The following KLHL23 variants were observed in gnomAD, a reference collection of about 807,000 sequenced individuals.
The protein encoded by KLHL23 is kelch-like protein 23.
KLHL23 carries 33 observed loss-of-function variants against 48.9 expected under a neutral mutation model. The observed-to-expected ratio is 0.67, with a 90% CI of 0.51 to 0.90. The LOEUF is 0.90. Among genes scored for constraint, KLHL23 ranks in the 40% least tolerant of loss-of-function variants. The pLI, the probability that KLHL23 is intolerant of heterozygous loss-of-function variation, is 0.00. For synonymous variants in KLHL23, 234 were observed against 231.6 expected (o/e 1.01, Z -0.09); for missense variants, 608 against 669.6 (o/e 0.91, Z 1.02).
chr2:169,742,079 A>C (rs140097864), intron 3 of KLHL23, among the ~76,000 whole-genome samples: 1 of 152,224 alleles, frequency 6.6e-6, no homozygotes, highest in South Asian at 2.1e-4. Context: ...GGAATGGCCT[A>C]CCTTCTTGGA....
Position 169,749,697 on chromosome 2 carries a change from C to T in KLHL23, c.1642C>T (p.Arg548Trp), listed in dbSNP as rs746513289. 8 of 1,611,000 alleles carry T rather than the reference C, an allele frequency of 5.0e-6. No homozygotes were observed. The highest frequency in any genetic ancestry group is 4.2e-6 in the Non-Finnish European group (5 of 1,177,528). Reference protein sequence around the residue: ...EIVGNLPSAMRSHGCVCVYNV With the variant: ...EIVGNLPSAMWSHGCVCVYNV ...AGTGGGTAATCTTCCCAGTGCCATG[C>T]GGTCTCATGGGTGTGTTTGTGTGTA... The change falls in exon 4 of 4, where the codon CGG (arginine) becomes TGG (tryptophan). Residue 548 changes from arginine to tryptophan, a missense_variant. Physicochemically the swap from Arg to Trp is moderately radical, Grantham distance 101. Around this residue, in one of 3 missense-constraint regions of KLHL23, gnomAD observed 179 missense variants for 169.9 expected, o/e 1.05. Transcript: ENST00000392647.
chr2:169,735,140 TC>T lies in KLHL23; in HGVS notation c.128del (p.Pro43LeufsTer4), dbSNP rs1558944459. 3.1e-6 allele frequency: 5 copies of T among 1,613,294 alleles called. No homozygotes were observed. The highest frequency in any genetic ancestry group is 1.7e-5 in the Admixed American group (1 of 59,864). ...GLFTDITLQC[P>X]SGIIFHCHRA... Reference sequence around the variant, plus strand: ...TATTTACTGATATTACTCTTCAGTGTCCTTCAGGCATAATTTTCCATTGTCA... The same window carrying T: ...TATTTACTGATATTACTCTTCAGTGTCTTCAGGCATAATTTTCCATTGTCA... On this transcript the variant is annotated frameshift_variant, in exon 2 of 4. Transcript: ENST00000392647. LOFTEE classifies it high-confidence loss of function. This position sits in a 1 kb window ranked among gnomAD's most constrained non-coding sequence, Gnocchi z 4.5.
At chr2:169,743,873 T>C (rs1380541612) in intron 3 of KLHL23, among the ~76,000 whole-genome samples, 1 of 152,180 alleles carries the variant, frequency 6.6e-6, no homozygotes, top group Non-Finnish European at 1.5e-5. Context: ...TATAGCAAGG[T>C]TTGTTTCTTA....
intron 1 of KLHL23, among the ~76,000 whole-genome samples, chr2:169,734,345 C>A (rs1688458444): frequency 6.7e-6 from 1 of 148,164 alleles, no homozygotes. Flanking sequence ...GGGCGGCACG[C>A]GGCGCCCTCG....
Position 169,736,027 on chromosome 2 carries a change from C to G in KLHL23, c.1013C>G (p.Thr338Arg). The G allele has an allele frequency of 6.2e-7, 1 of 1,614,192 alleles. No homozygotes were observed. Among genetic ancestry groups the G allele is most frequent in the Admixed American group, 1.7e-5 (1 of 60,022 alleles). The stretch of plus-strand genomic sequence containing the variant: ...ACGGATAACATAGAAGCTCTTGACA[C>G]AGTGTGGATCTATAACAGTGAAAGT... ...YRTDNIEALD[T>R]VWIYNSESDE... Residue 338 changes from threonine (T) to arginine (R), a missense_variant, in exon 2 of 4, where the codon ACA (threonine) becomes AGA (arginine). By Grantham distance (71) the Thr-to-Arg change is moderately conservative (BLOSUM62 -1). This residue lies in a region of KLHL23 where 419 missense variants were observed against 473.1 expected (regional missense o/e 0.89). Transcript: ENST00000392647.
At chr2:169,739,129 G>T (rs1370585946) in intron 2 of KLHL23, among the ~76,000 whole-genome samples, 1 of 135,930 alleles carries the variant, frequency 7.4e-6, no homozygotes, top group Non-Finnish European at 1.5e-5. Flanking sequence ...AGTTTTTCCA[G>T]CTCAGGACCT....
rs1226689185 is a variant in KLHL23 at position 169,750,803 on chromosome 2, G to A, written c.*1071G>A. The A allele has an allele frequency of 1.3e-5, 2 of 152,152 alleles. No homozygotes were observed. Among genetic ancestry groups the A allele is most frequent in the South Asian group, 2.1e-4 (1 of 4,830 alleles). The allele number at this position is 152,152 out of a possible 1,614,324, so 9.4% of individuals were successfully genotyped here. On this transcript the variant is annotated 3_prime_UTR_variant, in exon 4 of 4. Coordinates refer to ENST00000392647, the MANE Select transcript of KLHL23 (RefSeq NM_144711.6). Reference sequence around the variant, plus strand: ...ACTGTTTTTAATTTTCAGCTTTGATGTAAATTGCTAGCTTAGTTGTCTTTA... The same window carrying A: ...ACTGTTTTTAATTTTCAGCTTTGATATAAATTGCTAGCTTAGTTGTCTTTA...
chr2:169,739,340 C>G (rs1688618876), intron 2 of KLHL23, among the ~76,000 whole-genome samples: 1 of 152,048 alleles, frequency 6.6e-6, no homozygotes, highest in South Asian at 2.1e-4. Context: ...TGTTTAAAAA[C>G]CTTTAAAATC....
chr2:169,735,514 A>G lies in KLHL23; in HGVS notation c.500A>G (p.Lys167Arg). The change falls in exon 2 of 4, where the codon AAG becomes AGG. Residue 167 changes from lysine (K) to arginine (R), a missense_variant. By Grantham distance (26) the Lys-to-Arg change is conservative. Around this residue, in one of 3 missense-constraint regions of KLHL23, gnomAD observed 419 missense variants for 473.1 expected, o/e 0.89. Transcript: ENST00000392647. This position sits in a 1 kb window ranked among gnomAD's most constrained non-coding sequence, Gnocchi z 4.5. The part of the protein sequence containing the change: ...ESRRILCSKF[K>R]EVWQQEEFLE... ...CGAAGAATTCTATGTTCAAAGTTTA[A>G]GGAAGTGTGGCAACAAGAAGAATTT... 1 of 1,613,992 alleles carries G rather than the reference A, an allele frequency of 6.2e-7. No homozygotes were observed. The highest frequency in any genetic ancestry group is 8.5e-7 in the Non-Finnish European group (1 of 1,180,010).
chr2:169,742,165 C>T (rs1216928475), intron 3 of KLHL23, among the ~76,000 whole-genome samples: 2 of 152,144 alleles, frequency 1.3e-5, no homozygotes, highest in African/African-American at 4.8e-5. Flanking sequence ...TTCAGTTATG[C>T]CATAGGTTTA....
Position 169,741,428 on chromosome 2 carries a change from C to T in KLHL23, c.1257C>T (p.Tyr419=), listed in dbSNP as rs1688673657. ...CCTGTGTCTTACATGATGTTATCTA[C>T]GTCATTGGTGGCCACTGTGGCTACA... ...ATACVLHDVI[Y]VIGGHCGYRG... is the part of the protein sequence containing the mutation. Residue 419 remains tyrosine (Y), a synonymous_variant, in exon 3 of 4, where the codon TAC becomes TAT. Transcript: ENST00000392647. 2.5e-6 allele frequency: 4 copies of T among 1,613,814 alleles called. No individual in the cohort carries two copies. The highest frequency in any genetic ancestry group is 2.2e-5 in the East Asian group (1 of 44,880).
chr2:169,747,337 C>A (rs961970140), intron 3 of KLHL23, among the ~76,000 whole-genome samples: 1 of 126,378 alleles, frequency 7.9e-6, no homozygotes, highest in Non-Finnish European at 1.6e-5. Flanking sequence ...TGCAGTGAGC[C>A]GAGATTGCGC....
At chr2:169,749,099 T>C (rs1021974937) in intron 3 of KLHL23, among the ~76,000 whole-genome samples, 6 of 152,170 alleles carry the variant, frequency 3.9e-5, no homozygotes, top group African/African-American at 7.2e-5. Context: ...CTTTTACAGA[T>C]AGGTGTCAAG....
chr2:169,744,957 A>T (rs1225692706), intron 3 of KLHL23, among the ~76,000 whole-genome samples: 12 of 135,222 alleles, frequency 8.9e-5, no homozygotes, highest in Non-Finnish European at 9.6e-5. Context: ...TTTTTTTTTT[A>T]AAGACAGTCT....
chr2:169,747,410 T>C (rs1409030537), intron 3 of KLHL23, among the ~76,000 whole-genome samples: 4 of 55,232 alleles, frequency 7.2e-5, no homozygotes, highest in Non-Finnish European at 1.8e-4. Context: ...AAAAAAAAAC[T>C]GAGGGAGAAC....
chr2:169,746,205 T>C (rs1470954655), intron 3 of KLHL23, among the ~76,000 whole-genome samples: 1 of 152,228 alleles, frequency 6.6e-6, no homozygotes, highest in Admixed American at 6.5e-5. Flanking sequence ...TGCCTTGCCA[T>C]CGGCAAGTAG....
chr2:169,750,541 C>T lies in KLHL23; in HGVS notation c.*809C>T, dbSNP rs1688950380. 1 of 151,286 alleles carries T rather than the reference C, an allele frequency of 6.6e-6. No individual in the cohort carries two copies. Among genetic ancestry groups the T allele is most frequent in the Non-Finnish European group, 1.5e-5 (1 of 67,896 alleles). The allele number at this position is 151,286 out of a possible 1,614,324, so 9.4% of individuals were successfully genotyped here. On this transcript the variant is annotated 3_prime_UTR_variant, in exon 4 of 4. Coordinates refer to ENST00000392647, the MANE Select transcript of KLHL23 (RefSeq NM_144711.6). ...TTTAAAGAGGGAATCTTCTCTACCTCTACAAAATCAACCCTTAACACTTTT... is the reference window on the plus strand; with the variant it reads ...TTTAAAGAGGGAATCTTCTCTACCTTTACAAAATCAACCCTTAACACTTTT...
In KLHL23 at chr2:169,750,621, ATAGTG is replaced by A. The variant is rs1176921034; in HGVS notation, c.*892_*896del. The A allele has an allele frequency of 1.3e-5, 2 of 152,108 alleles. No individual in the cohort carries two copies. Among genetic ancestry groups the A allele is most frequent in the African/African-American group, 4.8e-5 (2 of 41,414 alleles). The allele number at this position is 152,108 out of a possible 1,614,324, so 9.4% of individuals were successfully genotyped here. On this transcript the variant is annotated 3_prime_UTR_variant, in exon 4 of 4. Transcript: ENST00000392647. ...TTTACTTTGTCTAGTTTTTTCCTTT[ATAGTG>A]TAATTTATTGTTACTCTCTATTTAC...
chr2:169,742,394 C>A (rs986758073), intron 3 of KLHL23, among the ~76,000 whole-genome samples: 3 of 152,182 alleles, frequency 2.0e-5, no homozygotes, highest in African/African-American at 7.2e-5. Context: ...AGTCTGTGAG[C>A]AGGTATTGTT....
Sources: allele counts gnomAD v4.1 joint callset (sites outside exome capture counted in the v4.1 genomes callset), GRCh38; gene constraint gnomAD v4.1.1; regional missense constraint gnomAD v4.1.1; non-coding constraint Gnocchi (gnomAD v3.1); transcripts MANE v1.5; gene names NCBI Gene and HGNC (gene_info 2026-07-23, HGNC 2026-07-21).